Variants in IGF2BP3 observed in about 807,000 individuals in gnomAD.
IGF2BP3 encodes the protein insulin like growth factor 2 mRNA binding protein 3.
A neutral mutation model predicts 73.8 loss-of-function variants in IGF2BP3; 9 were observed. The ratio of observed to expected loss-of-function variants is 0.12; its 90% CI spans 0.07 to 0.21. The LOEUF (loss-of-function observed/expected upper bound fraction) is 0.21. IGF2BP3 is among the 10% of genes least tolerant of loss of function. The pLI, the probability that IGF2BP3 is intolerant of heterozygous loss-of-function variation, is 1.00. For missense variants in IGF2BP3, 542 were observed against 714.0 expected (o/e 0.76, Z 2.75); for synonymous variants, 258 against 256.7 (o/e 1.01, Z -0.05).
chr7:23,470,002 T>C lies in IGF2BP3; in HGVS notation c.109A>G (p.Thr37Ala), dbSNP rs917155310. 9 of 1,612,690 alleles carry C rather than the reference T, an allele frequency of 5.6e-6. No individual in the cohort carries two copies. In the Admixed American group the frequency reaches 1.2e-4, roughly 21 times the overall value. The stretch of plus-strand genomic sequence containing the variant: ...GGGCAGTCCACGAACGCGTAGCCAG[T>C]CTTCACCAGGAAGGGTCCCGACACC... The part of the protein sequence containing the change: ...IPVSGPFLVK[T>A]GYAFVDCPDE... Residue 37 changes from threonine (T) to alanine (A), a missense_variant, in exon 1 of 15, where the codon ACT (threonine) becomes GCT (alanine). Coordinates refer to ENST00000258729, the MANE Select transcript of IGF2BP3 (RefSeq NM_006547.3).
At chr7:23,355,395 AT>A (rs1177455438) in intron 5 of IGF2BP3, among the ~76,000 whole-genome samples, 1 of 149,882 alleles carries the variant, frequency 6.7e-6, no homozygotes. Flanking sequence ...CTAATTTTGT[AT>A]TTTTTTTTCT....
intron 10 of IGF2BP3, among the ~76,000 whole-genome samples, chr7:23,336,479 C>T (rs1784576102): frequency 6.6e-6 from 1 of 151,858 alleles, no homozygotes; most frequent in Non-Finnish European, 1.5e-5. Flanking sequence ...CATAGACCCT[C>T]ACAAACATAA....
intron 11 of IGF2BP3, 189 bp from the exon 12 acceptor site, chr7:23,317,902 C>G: frequency 1.7e-6 from 1 of 599,508 alleles, no homozygotes; most frequent in Non-Finnish European, 3.0e-6. Flanking sequence ...ATACTATATG[C>G]TTATTCTGTG....
intron 5 of IGF2BP3, among the ~76,000 whole-genome samples, chr7:23,353,533 T>C (rs746932454): frequency 1.1e-4 from 17 of 152,206 alleles, no homozygotes; most frequent in Non-Finnish European, 2.1e-4. Flanking sequence ...TCCAAGGCCC[T>C]TCCCAGAACT....
intron 2 of IGF2BP3, among the ~76,000 whole-genome samples, chr7:23,461,196 A>C (rs1788444321): frequency 6.6e-6 from 1 of 152,032 alleles, no homozygotes; most frequent in Admixed American, 6.5e-5. Context: ...TATCTCCCAG[A>C]AACAGTTTGC....
chr7:23,336,586 A>G (rs915013971), intron 10 of IGF2BP3, among the ~76,000 whole-genome samples: 3 of 151,656 alleles, frequency 2.0e-5, no homozygotes. Flanking sequence ...GCTCATTGCA[A>G]CCTCCACCTC....
At chr7:23,444,017 A>G (rs1225949903) in intron 2 of IGF2BP3, among the ~76,000 whole-genome samples, 1 of 152,206 alleles carries the variant, frequency 6.6e-6, no homozygotes, top group African/African-American at 2.4e-5. Flanking sequence ...TCAAAAAACA[A>G]AATACAAAAC....
At chr7:23,347,858 A>G in intron 6 of IGF2BP3, 124 bp from the exon 7 acceptor site, 1 of 1,098,672 alleles carries the variant, frequency 9.1e-7, no homozygotes, top group East Asian at 2.5e-5. Context: ...ACTTCCCTCA[A>G]GAGCATAAAC....
At chr7:23,446,087 G>C (rs1437354450) in intron 2 of IGF2BP3, among the ~76,000 whole-genome samples, 2 of 152,146 alleles carry the variant, frequency 1.3e-5, no homozygotes, top group East Asian at 1.9e-4. Flanking sequence ...CCTCTGTGCT[G>C]AATCATTGCC....
At chr7:23,396,636 A>T (rs1363747881) in intron 3 of IGF2BP3, 1 of 152,192 alleles carries the variant, frequency 6.6e-6, no homozygotes, top group African/African-American at 2.4e-5. Context: ...GTCTAAATTG[A>T]GGGCTAAATA....
chr7:23,336,444 ATTT>A (rs74274531), intron 10 of IGF2BP3, among the ~76,000 whole-genome samples: 1 of 143,306 alleles, frequency 7.0e-6, no homozygotes, highest in African/African-American at 2.6e-5. Flanking sequence ...TTTCTAAACC[ATTT>A]TTTTTTTTTT....
At chr7:23,442,784 G>C (rs1249273484) in intron 2 of IGF2BP3, among the ~76,000 whole-genome samples, 1 of 152,048 alleles carries the variant, frequency 6.6e-6, no homozygotes, top group East Asian at 1.9e-4. Flanking sequence ...AGGAGTTACA[G>C]TTTCAATTTT....
chr7:23,431,869 C>T (rs980796683), intron 2 of IGF2BP3, among the ~76,000 whole-genome samples: 21 of 152,194 alleles, frequency 1.4e-4, no homozygotes, highest in Middle Eastern at 6.8e-3. Flanking sequence ...GGATTGGTGG[C>T]CACTGTGGTA....
At chr7:23,379,883 C>T (rs1006547935) in intron 3 of IGF2BP3, among the ~76,000 whole-genome samples, 11 of 152,078 alleles carry the variant, frequency 7.2e-5, no homozygotes, top group African/African-American at 2.4e-4. Flanking sequence ...TGGCTATACA[C>T]GGGGCAATTC....
At chr7:23,366,233 G>C (rs1258073212) in intron 3 of IGF2BP3, among the ~76,000 whole-genome samples, 2 of 151,858 alleles carry the variant, frequency 1.3e-5, no homozygotes, top group African/African-American at 4.8e-5. Context: ...TGCCTCCCAG[G>C]TTCAAGCGAT....
At chr7:23,374,272 T>C (rs1785649568) in intron 3 of IGF2BP3, among the ~76,000 whole-genome samples, 2 of 152,196 alleles carry the variant, frequency 1.3e-5, no homozygotes, top group Admixed American at 6.5e-5. Context: ...ACATGGTACA[T>C]ATAAACAGTC....
intron 10 of IGF2BP3, among the ~76,000 whole-genome samples, chr7:23,333,933 C>T (rs918826519): frequency 6.6e-6 from 1 of 152,164 alleles, no homozygotes. Flanking sequence ...GATTACTTTT[C>T]AAGAAAATTT....
intron 5 of IGF2BP3, among the ~76,000 whole-genome samples, chr7:23,360,376 T>C (rs1427355746): frequency 6.6e-6 from 1 of 152,222 alleles, no homozygotes; most frequent in Non-Finnish European, 1.5e-5. Flanking sequence ...AATATATTTA[T>C]ATACACAAAA....
chr7:23,419,793 C>A (rs1233130682), intron 2 of IGF2BP3, among the ~76,000 whole-genome samples: 1 of 152,154 alleles, frequency 6.6e-6, no homozygotes, highest in East Asian at 1.9e-4. Context: ...GCGGAGGTTG[C>A]GGTAAGCCAA....
Sources: gnomAD v4.1 joint callset for allele counts (sites outside exome capture counted in the v4.1 genomes callset) on GRCh38, gnomAD v4.1.1 for gene constraint, MANE v1.5 for transcripts, NCBI Gene and HGNC (gene_info 2026-07-23, HGNC 2026-07-21) for gene names.